SCN2A: variants seen among roughly 807,000 people sequenced by gnomAD.
SCN2A encodes sodium channel protein type 2 subunit alpha.
Under a neutral mutation model 188.7 loss-of-function variants are expected in SCN2A, and 20 were observed. The observed-to-expected ratio is 0.11, with a 90% CI of 0.07 to 0.15. The LOEUF is 0.15. Among genes scored for constraint, SCN2A ranks in the 10% least tolerant of loss-of-function variants. SCN2A has a pLI of 1.00. For synonymous variants in SCN2A, 804 were observed against 833.1 expected (o/e 0.97, Z 0.60); for missense variants, 1,278 against 2,445.0 (o/e 0.52, Z 10.07).
intron 10 of SCN2A, 89 bp from the exon 11 acceptor site, chr2:165,315,382 C>T: frequency 2.5e-6 from 4 of 1,577,704 alleles, no homozygotes; most frequent in Admixed American, 1.8e-5. Flanking sequence ...TCAAGATTAT[C>T]TTCATGATAT....
Position 165,314,090 on chromosome 2 carries a change from G to A in SCN2A, c.1365G>A (p.Lys455=). The A allele has an allele frequency of 6.2e-7, 1 of 1,613,372 alleles. No individual in the cohort carries two copies. The highest frequency in any genetic ancestry group is 8.5e-7 in the Non-Finnish European group (1 of 1,179,550). Residue 455 remains lysine (K), a synonymous_variant, in exon 10 of 27, where the codon AAG becomes AAA. Transcript: ENST00000375437. ...AGCAGATGCTCGAACAGTTGAAAAA[G>A]CAACAAGAAGAAGCTCAGGTATAGT... ...EFQQMLEQLK[K]QQEEAQAAAA...
chr2:165,247,132 T>C (rs934442121), intron 1 of SCN2A, among the ~76,000 whole-genome samples: 13 of 152,158 alleles, frequency 8.5e-5, no homozygotes, highest in African/African-American at 2.4e-5. Flanking sequence ...GTGCACTAGA[T>C]CCTATTCTTT....
intron 1 of SCN2A, among the ~76,000 whole-genome samples, chr2:165,295,217 A>G (rs1334300111): frequency 1.3e-5 from 2 of 152,154 alleles, no homozygotes; most frequent in African/African-American, 4.8e-5. Flanking sequence ...CTATGTTTCC[A>G]TAGCCTGGCA....
chr2:165,264,803 CT>C (rs952857543), intron 1 of SCN2A, among the ~76,000 whole-genome samples: 5 of 152,010 alleles, frequency 3.3e-5, no homozygotes, highest in South Asian at 2.1e-4. Context: ...TGATCTCATT[CT>C]TTTTTTTGTG....
chr2:165,383,652 C>G (rs760023542), intron 25 of SCN2A, among the ~76,000 whole-genome samples: 40 of 152,058 alleles, frequency 2.6e-4, no homozygotes, highest in Non-Finnish European at 4.7e-4. Flanking sequence ...GGTAGGTAGC[C>G]TGAACCATAG....
intron 25 of SCN2A, 124 bp downstream of exon 25, chr2:165,381,321 G>A (rs1198608509): frequency 1.2e-5 from 8 of 662,306 alleles, no homozygotes; most frequent in Non-Finnish European, 2.2e-5. Flanking sequence ...TTAACAATGG[G>A]ACTAGCTAGC....
chr2:165,285,799 G>A (rs1695800821), intron 1 of SCN2A: 2 of 163,378 alleles, frequency 1.2e-5, no homozygotes. Flanking sequence ...AAAAATCCTG[G>A]TGTGGGCAGT....
At chr2:165,349,499 C>G (rs1195224962) in intron 16 of SCN2A, among the ~76,000 whole-genome samples, 2 of 152,058 alleles carry the variant, frequency 1.3e-5, no homozygotes, top group South Asian at 4.2e-4. Context: ...ACATATCTCT[C>G]TAATGTATAA....
chr2:165,254,228 G>T (rs1234928555), intron 1 of SCN2A, among the ~76,000 whole-genome samples: 1 of 151,360 alleles, frequency 6.6e-6, no homozygotes, highest in African/African-American at 2.4e-5. Flanking sequence ...ATTCTGTTTT[G>T]GCCCATTAAT....
At chr2:165,240,287 AT>A (rs1693558144) in intron 1 of SCN2A, among the ~76,000 whole-genome samples, 1 of 152,166 alleles carries the variant, frequency 6.6e-6, no homozygotes, top group Admixed American at 6.6e-5. Flanking sequence ...TGCCATGAAA[AT>A]TGATTTTTTC....
chr2:165,291,572 C>T (rs866246609), intron 1 of SCN2A, among the ~76,000 whole-genome samples: 5 of 66,282 alleles, frequency 7.5e-5, no homozygotes, highest in South Asian at 5.4e-4. Context: ...TTCCTTCCTT[C>T]CTTTCTCTCT....
At chr2:165,370,748 C>A (rs1211264295) in intron 20 of SCN2A, 2 of 171,454 alleles carry the variant, frequency 1.2e-5, no homozygotes, top group African/African-American at 2.4e-5. Flanking sequence ...CAAGAGACAC[C>A]ACTTGATTTG....
Position 165,315,707 on chromosome 2 carries a change from C to T in SCN2A, c.1620C>T (p.Ser540=). 1 of 1,613,228 alleles carries T rather than the reference C, an allele frequency of 6.2e-7. No individual in the cohort carries two copies. The stretch of plus-strand genomic sequence containing the variant: ...TAAGAAGAAAAGGTTTCCGTTTTTC[C>T]TTGGAAGGAAGTAGGCTGACATATG... ...DSIRRKGFRF[S]LEGSRLTYEK... Residue 540 remains serine, a synonymous_variant, in exon 11 of 27, where the codon TCC becomes TCT. Coordinates refer to ENST00000375437, the MANE Select transcript of SCN2A (RefSeq NM_001040142.2).
chr2:165,345,691 G>A (rs1699545353), intron 16 of SCN2A, among the ~76,000 whole-genome samples: 1 of 151,944 alleles, frequency 6.6e-6, no homozygotes. Flanking sequence ...TTTAATTGGG[G>A]CATTTAGCCC....
At chr2:165,273,621 T>G (rs943717978) in intron 1 of SCN2A, 2 of 151,432 alleles carry the variant, frequency 1.3e-5, no homozygotes, top group Non-Finnish European at 2.9e-5. Context: ...CTCTGTCTGT[T>G]TGAGAACCCA....
chr2:165,247,423 C>T (rs1194488126), intron 1 of SCN2A, among the ~76,000 whole-genome samples: 1 of 152,132 alleles, frequency 6.6e-6, no homozygotes, highest in Non-Finnish European at 1.5e-5. Context: ...CAAATCAGCT[C>T]CTGATAGAAA....
intron 21 of SCN2A, among the ~76,000 whole-genome samples, chr2:165,374,358 A>G (rs1701201467): frequency 6.6e-6 from 1 of 152,058 alleles, no homozygotes; most frequent in Admixed American, 6.6e-5. Context: ...ATTTTTTGAA[A>G]GTGATGTTCA....
intron 22 of SCN2A, 103 bp downstream of exon 22, chr2:165,375,069 A>G: frequency 9.9e-7 from 1 of 1,005,970 alleles, no homozygotes; most frequent in Non-Finnish European, 1.5e-6. Flanking sequence ...GCTATTATCA[A>G]ACAGATAAAT....
chr2:165,328,477 T>G (rs1698486041), intron 13 of SCN2A: 1 of 985,790 alleles, frequency 1.0e-6, no homozygotes, highest in Non-Finnish European at 1.2e-6. Context: ...CTGCCAGTGG[T>G]TCTGCTACCG....
Sources: gnomAD v4.1 joint callset for allele counts (sites outside exome capture counted in the v4.1 genomes callset) on GRCh38, gnomAD v4.1.1 for gene constraint, MANE v1.5 for transcripts, NCBI Gene and HGNC (gene_info 2026-07-23, HGNC 2026-07-21) for gene names.